ZNF37A: variants seen among roughly 807,000 people sequenced by gnomAD.
ZNF37A encodes zinc finger protein 37a (KOX 21).
A neutral mutation model predicts 12.3 loss-of-function variants in ZNF37A; 10 were observed. The ratio of observed to expected loss-of-function variants is 0.82; its 90% confidence interval spans 0.50 to 1.38. ZNF37A has a LOEUF of 1.38. Ranked by LOEUF, ZNF37A falls within the 40% of genes most tolerant of loss-of-function variation. The pLI is 0.00. For missense variants in ZNF37A, 580 were observed against 651.2 expected, an observed-to-expected ratio of 0.89 and a Z score of 1.19; for synonymous variants, 207 against 223.0, an observed-to-expected ratio of 0.93 and a Z score of 0.64.
At position 38,118,338 on chromosome 10, in the gene ZNF37A, C is replaced by G. The variant is rs1461967801; in HGVS notation, c.1187C>G (p.Ser396Ter). 6.2e-7 allele frequency: 1 copy of G among 1,613,758 alleles called. No homozygotes were observed. The highest frequency in any genetic ancestry group is 1.7e-5 in the Admixed American group (1 of 59,936). The change falls in exon 8 of 8, where the codon TCA becomes TGA. Residue 396 changes from serine to a stop codon, truncating the protein, a stop_gained. Coordinates refer to ENST00000685332, the MANE Select transcript of ZNF37A (RefSeq NM_001324250.3). LOFTEE classifies it low-confidence loss of function (END_TRUNC). ...TGTGGGAAAGCCTTTCTCAGAAAAT[C>G]AGACCTCATTAAACATCAAAGAATA... ...YACGKAFLRK[S>*]DLIKHQRIHT...
At chr10:38,138,318 A>G (rs2070137904) in intron 7 of ZNF37A, 1 of 152,226 alleles carries the variant, frequency 6.6e-6, no homozygotes, top group Non-Finnish European at 1.5e-5. Context: ...GCAGAGTGTC[A>G]TCACAAACAC....
At chr10:38,106,075 G>T (rs2068053630) in intron 5 of ZNF37A, among the ~76,000 whole-genome samples, 1 of 152,004 alleles carries the variant, frequency 6.6e-6, no homozygotes, top group African/African-American at 2.4e-5. Flanking sequence ...TCTTAGGGGG[G>T]GATCTTTCAG....
chr10:38,115,358 G>A, intron 7 of ZNF37A, 68 bp downstream of exon 7: 1 of 1,552,518 alleles, frequency 6.4e-7, no homozygotes, highest in Admixed American at 2.0e-5. Context: ...TGGATAATAA[G>A]ACCATTGAAA....
At chr10:38,137,245 A>G (rs904082796) in intron 7 of ZNF37A, 2 of 152,166 alleles carry the variant, frequency 1.3e-5, no homozygotes, top group Admixed American at 6.6e-5. Context: ...CTTATAATGC[A>G]GAAACTGGAA....
chr10:38,118,140 A>C lies in ZNF37A; in HGVS notation c.989A>C (p.His330Pro), dbSNP rs772866988. ...IHTGERPYGC[H>P]ECGKSFSEKS... Reference sequence around the variant, plus strand: ...ACAGGGGAGAGACCTTATGGATGTCATGAATGTGGGAAATCCTTCAGTGAA... The same window carrying C: ...ACAGGGGAGAGACCTTATGGATGTCCTGAATGTGGGAAATCCTTCAGTGAA... Residue 330 changes from histidine (H) to proline (P), a missense_variant, in exon 8 of 8, where the codon CAT (histidine) becomes CCT (proline). Physicochemically the swap from His to Pro is moderately conservative, Grantham distance 77. Coordinates refer to ENST00000685332, the MANE Select transcript of ZNF37A (RefSeq NM_001324250.3). The C allele has an allele frequency of 4.3e-6, 7 of 1,614,014 alleles. No homozygotes were observed. The highest frequency in any genetic ancestry group is 5.9e-6 in the Non-Finnish European group (7 of 1,179,898).
chr10:38,110,313 T>G (rs1188349500), intron 5 of ZNF37A, among the ~76,000 whole-genome samples: 1 of 152,148 alleles, frequency 6.6e-6, no homozygotes, highest in Non-Finnish European at 1.5e-5. Context: ...ACCCCTTCCT[T>G]ACACCTTATA....
At chr10:38,129,786 A>G (rs2069994532), downstream of ZNF37A, among the ~76,000 whole-genome samples, 2 of 152,108 alleles carry the variant, frequency 1.3e-5, no homozygotes, top group South Asian at 2.1e-4. Context: ...CAACTAACAT[A>G]TGTTTGTAGT....
chr10:38,118,360 A>AATACACACAGG lies in ZNF37A; in HGVS notation c.1210_1220dup (p.Glu408TyrfsTer27). On this transcript the variant is annotated frameshift_variant, in exon 8 of 8. Coordinates refer to ENST00000685332, the MANE Select transcript of ZNF37A (RefSeq NM_001324250.3). LOFTEE classifies it low-confidence loss of function (END_TRUNC). ...AATCAGACCTCATTAAACATCAAAGAATACACACAGGTGAAAAACCTTATG... is the reference window on the plus strand; with the variant it reads ...AATCAGACCTCATTAAACATCAAAGAATACACACAGGATACACACAGGTGAAAAACCTTATG... 1 of 1,613,958 alleles carries AATACACACAGG rather than the reference A, an allele frequency of 6.2e-7. No homozygotes were observed. The highest frequency in any genetic ancestry group is 8.5e-7 in the Non-Finnish European group (1 of 1,179,998).
downstream of ZNF37A, among the ~76,000 whole-genome samples, chr10:38,130,276 G>A (rs1241288643): frequency 6.6e-6 from 1 of 152,100 alleles, no homozygotes; most frequent in African/African-American, 2.4e-5. Flanking sequence ...CCATTCATCT[G>A]TTCATGGGCA....
chr10:38,134,558 A>G (rs1212618001), intron 7 of ZNF37A, among the ~76,000 whole-genome samples: 1 of 152,088 alleles, frequency 6.6e-6, no homozygotes, highest in East Asian at 1.9e-4. Flanking sequence ...CTGGAGGTCC[A>G]CTCCAGACTC....
chr10:38,100,608 A>G (rs2067486465), intron 5 of ZNF37A, among the ~76,000 whole-genome samples: 1 of 152,184 alleles, frequency 6.6e-6, no homozygotes, highest in African/African-American at 2.4e-5. Context: ...GTTTAAGGTT[A>G]TCTTTCTTAT....
Position 38,118,813 on chromosome 10 carries a change from A to T in ZNF37A, c.1662A>T (p.Val554=), listed in dbSNP as rs769625184. 6.3e-7 allele frequency: 1 copy of T among 1,580,004 alleles called. No homozygotes were observed. Among genetic ancestry groups the T allele is most frequent in the East Asian group, 2.2e-5 (1 of 44,592 alleles). ...TGGGGAGAAACCCTATAAATGTAGTAAACGAGGGAAATTACTCTGGGTGAA... is the reference window on the plus strand; with the variant it reads ...TGGGGAGAAACCCTATAAATGTAGTTAACGAGGGAAATTACTCTGGGTGAA... ...IHLGRNPINV[V]NEGNYSG The change falls in exon 8 of 8, where the codon GTA becomes GTT. Residue 554 remains valine (V), a synonymous_variant. Coordinates refer to ENST00000685332, the MANE Select transcript of ZNF37A (RefSeq NM_001324250.3).
intron 5 of ZNF37A, among the ~76,000 whole-genome samples, chr10:38,105,012 T>A (rs2067936961): frequency 6.6e-6 from 1 of 151,710 alleles, no homozygotes. Context: ...TTTTTCTTTT[T>A]TTTTTTTTTT....
chr10:38,101,411 T>C (rs2067564057), intron 5 of ZNF37A, among the ~76,000 whole-genome samples: 1 of 152,052 alleles, frequency 6.6e-6, no homozygotes, highest in Non-Finnish European at 1.5e-5. Flanking sequence ...CACTATCTGT[T>C]AGAAAAATTG....
chr10:38,102,194 G>A (rs2067648929), intron 5 of ZNF37A, among the ~76,000 whole-genome samples: 1 of 152,092 alleles, frequency 6.6e-6, no homozygotes. Flanking sequence ...TAAAGTAAAT[G>A]ATAAACTGAA....
intron 5 of ZNF37A, among the ~76,000 whole-genome samples, chr10:38,107,280 A>C (rs2068188516): frequency 6.6e-6 from 1 of 152,194 alleles, no homozygotes; most frequent in Non-Finnish European, 1.5e-5. Flanking sequence ...GGAGAAATAA[A>C]ATCCTTTACA....
chr10:38,144,906 C>T (rs933426018), intron 7 of ZNF37A, among the ~76,000 whole-genome samples: 3 of 151,894 alleles, frequency 2.0e-5, no homozygotes, highest in African/African-American at 4.8e-5. Context: ...GGAAGTCATC[C>T]GGATTCTACA....
At chr10:38,109,237 TA>T (rs2068417002) in intron 5 of ZNF37A, among the ~76,000 whole-genome samples, 1 of 152,124 alleles carries the variant, frequency 6.6e-6, no homozygotes, top group African/African-American at 2.4e-5. Context: ...TGACAAAAAC[TA>T]CATGATTATC....
chr10:38,146,653 A>G (rs2136087915), intron 7 of ZNF37A: 1 of 396,246 alleles, frequency 2.5e-6, no homozygotes, highest in Non-Finnish European at 4.5e-6. Flanking sequence ...CACATTTGAA[A>G]CCAAATGTGG....
Sources: allele counts gnomAD v4.1 joint callset (sites outside exome capture counted in the v4.1 genomes callset), GRCh38; gene constraint gnomAD v4.1.1; transcripts MANE v1.5; gene names NCBI Gene and HGNC (gene_info 2026-07-23, HGNC 2026-07-21).